DENND5A: variants seen among roughly 807,000 people sequenced by gnomAD.
DENND5A encodes the protein DENN domain-containing protein 5A.
DENND5A carries 64 observed loss-of-function variants against 140.3 expected under a neutral mutation model. The observed-to-expected ratio is 0.46, with a 90% CI of 0.37 to 0.56. The LOEUF (loss-of-function observed/expected upper bound fraction) is 0.56, where lower values mean the gene tolerates loss of function less well. Among genes scored for constraint, DENND5A ranks in the 20% least tolerant of loss-of-function variants. The probability of loss-of-function intolerance (pLI) is 0.00; values close to 1 mark genes in which losing one functional copy is unlikely to be tolerated. For missense variants in DENND5A, 1,292 were observed against 1,593.8 expected (o/e 0.81, Z 3.22); for synonymous variants, 605 against 607.7 (o/e 1.00, Z 0.07).
In DENND5A at chr11:9,143,598, G is replaced by C. The variant is rs144562274; in HGVS notation, c.3305-113C>G. 6.0e-5 allele frequency: 52 copies of C among 864,108 alleles called. No individual in the cohort carries two copies. The African/African-American group carries it at 7.3e-4, about 12-fold the overall frequency. The allele number at this position is 864,108 out of a possible 1,614,324, so 53.5% of individuals were successfully genotyped here. A position where few individuals can be genotyped will look rare whatever the true frequency, so the allele number is the denominator to read the frequency against. On this transcript the variant is annotated intron_variant, in intron 19 of 22. Transcript: ENST00000328194. Reference sequence around the variant, plus strand: ...GGCCCATAGGAGAGGCAGGGCAGCTGGACCCTAGGAAGCAGAGGCGCTTGC... The same window carrying C: ...GGCCCATAGGAGAGGCAGGGCAGCTCGACCCTAGGAAGCAGAGGCGCTTGC...
In DENND5A at chr11:9,206,691, G is replaced by A. The variant is rs1278370434; in HGVS notation, c.273C>T (p.Asp91=). The A allele has an allele frequency of 1.2e-6, 2 of 1,612,020 alleles. No individual in the cohort carries two copies. The highest frequency in any genetic ancestry group is 1.7e-5 in the Admixed American group (1 of 59,998). ...YPENVEWNPF[D]QDAVGMLCMP... Reference sequence around the variant, plus strand: ...TACCAACCATTCCTACTGCATCTTGGTCAAAGGGATTCCATTCTACGTTCT... The same window carrying A: ...TACCAACCATTCCTACTGCATCTTGATCAAAGGGATTCCATTCTACGTTCT... The change falls in exon 3 of 23, where the codon GAC becomes GAT. Residue 91 remains aspartate (D), a synonymous_variant. Coordinates refer to ENST00000328194, the MANE Select transcript of DENND5A (RefSeq NM_015213.4).
At chr11:9,161,017 G>T in intron 11 of DENND5A, 152 bp from the exon 12 acceptor site, 1 of 756,186 alleles carries the variant, frequency 1.3e-6, no homozygotes, top group Non-Finnish European at 2.1e-6. Flanking sequence ...TTATACCCAT[G>T]TAGGTCAGGT....
rs755309996 is a variant in DENND5A at position 9,143,423 on chromosome 11, A to G, written c.3367T>C (p.Phe1123Leu). ...GEAVNGIVKH[F>L]HKPEKERGSL... ...CTCACCTCTTTCTCAGGCTTATGGA[A>G]GTGCTTCACAATGCCATTGACTGCC... The change falls in exon 20 of 23, where the codon TTC becomes CTC. Residue 1123 changes from phenylalanine (F) to leucine (L), a missense_variant. Phe to Leu is a conservative substitution (Grantham distance 22). Coordinates refer to ENST00000328194, the MANE Select transcript of DENND5A (RefSeq NM_015213.4). The G allele has an allele frequency of 6.2e-7, 1 of 1,614,148 alleles. No individual in the cohort carries two copies. The highest frequency in any genetic ancestry group is 8.5e-7 in the Non-Finnish European group (1 of 1,179,944).
intron 5 of DENND5A, among the ~76,000 whole-genome samples, chr11:9,183,604 G>A (rs760771686): frequency 2.6e-5 from 4 of 152,040 alleles, no homozygotes; most frequent in African/African-American, 7.2e-5. Context: ...ACAGAGTGTC[G>A]CTGTGTTGCC....
At chr11:9,152,299 C>A (rs552693494) in intron 13 of DENND5A, 59 bp downstream of exon 13, 4 of 1,265,738 alleles carry the variant, frequency 3.2e-6, no homozygotes, top group Admixed American at 1.7e-5. Flanking sequence ...AGTGATCACG[C>A]CAGTGGGTGA....
At chr11:9,218,170 G>C (rs556851802) in intron 1 of DENND5A, among the ~76,000 whole-genome samples, 1 of 152,072 alleles carries the variant, frequency 6.6e-6, no homozygotes, top group South Asian at 2.1e-4. Flanking sequence ...GAGGCAGGAG[G>C]ACTGCATGAG....
At chr11:9,167,086 GTGC>G (rs1295483701) in intron 10 of DENND5A, among the ~76,000 whole-genome samples, 1 of 152,072 alleles carries the variant, frequency 6.6e-6, no homozygotes, top group Non-Finnish European at 1.5e-5. Context: ...TTTGTATAAT[GTGC>G]TGGTGATTCT....
chr11:9,220,814 A>G (rs1193191214), intron 1 of DENND5A, among the ~76,000 whole-genome samples: 2 of 151,464 alleles, frequency 1.3e-5, no homozygotes, highest in Non-Finnish European at 2.9e-5. Flanking sequence ...AATTGCTTGA[A>G]CCTGGGAGGC....
chr11:9,211,258 G>A (rs1043025472), intron 1 of DENND5A, among the ~76,000 whole-genome samples: 15 of 152,124 alleles, frequency 9.9e-5, no homozygotes, highest in African/African-American at 3.6e-4. Flanking sequence ...AACCACAGAA[G>A]GGAAGACCCA....
rs1848701330 is a variant in DENND5A at position 9,180,806 on chromosome 11, C to T, written c.1416G>A (p.Leu472=). 1 of 1,614,050 alleles carries T rather than the reference C, an allele frequency of 6.2e-7. No individual in the cohort carries two copies. Among genetic ancestry groups the T allele is most frequent in the African/African-American group, 1.3e-5 (1 of 74,930 alleles). The change falls in exon 6 of 23, where the codon CTG becomes CTA. Residue 472 remains leucine, a synonymous_variant. Transcript: ENST00000328194. ...CCCCAGTTCTCTTGACCAAGGCTTG[C>T]AGCCGGGCAATAGTTTCATTCTCCT... ...LLKENETIAR[L]QALVKRTGVS...
At position 9,145,666 on chromosome 11, in the gene DENND5A, A is replaced by G. The variant is rs1168942265; in HGVS notation, c.3003+4T>C. ...ACAGAGCTGTGGCCCCAAATAACACATACCTCGAAGGTCATCTCTAGCACA... is the reference window on the plus strand; with the variant it reads ...ACAGAGCTGTGGCCCCAAATAACACGTACCTCGAAGGTCATCTCTAGCACA... On this transcript the variant is annotated splice_donor_region_variant and intron_variant, in intron 17 of 22. Transcript: ENST00000328194. 1 of 1,614,084 alleles carries G rather than the reference A, an allele frequency of 6.2e-7. No homozygotes were observed. Among genetic ancestry groups the G allele is most frequent in the Non-Finnish European group, 8.5e-7 (1 of 1,179,988 alleles).
At chr11:9,187,737 G>A (rs911824451) in intron 5 of DENND5A, among the ~76,000 whole-genome samples, 4 of 152,160 alleles carry the variant, frequency 2.6e-5, no homozygotes, top group African/African-American at 9.7e-5. Flanking sequence ...CCTCCTTCCT[G>A]AACTCAGACA....
intron 1 of DENND5A, among the ~76,000 whole-genome samples, chr11:9,259,100 A>C (rs1401601794): frequency 3.3e-5 from 5 of 152,128 alleles, no homozygotes; most frequent in Admixed American, 6.6e-5. Context: ...ATCTCTACTA[A>C]AAATACAAAA....
chr11:9,231,893 T>A (rs1341804000), intron 1 of DENND5A, among the ~76,000 whole-genome samples: 1 of 152,036 alleles, frequency 6.6e-6, no homozygotes, highest in African/African-American at 2.4e-5. Context: ...GCACAAAGAC[T>A]AGCATTTGTT....
chr11:9,207,088 G>C, intron 2 of DENND5A: 1 of 454,362 alleles, frequency 2.2e-6, no homozygotes, highest in Non-Finnish European at 3.9e-6. Flanking sequence ...GAATGACAAG[G>C]ATTGTATCTA....
At chr11:9,176,039 A>G (rs116867863) in intron 8 of DENND5A, among the ~76,000 whole-genome samples, 16 of 152,324 alleles carry the variant, frequency 1.1e-4, no homozygotes, top group Non-Finnish European at 2.1e-4. Context: ...TACATTTTCT[A>G]GTCTTCTCTC....
Position 9,203,825 on chromosome 11 carries a change from A to G in DENND5A, c.784T>C (p.Phe262Leu). ...PLPPPGRSLK[F>L]SGVYGPIICQ... ...ATTATTGGCCCATAGACCCCAGAAAACTTCAAGGACCGGCCAGGAGGTGGG... is the reference window on the plus strand; with the variant it reads ...ATTATTGGCCCATAGACCCCAGAAAGCTTCAAGGACCGGCCAGGAGGTGGG... The change falls in exon 4 of 23, where the codon TTT (phenylalanine) becomes CTT (leucine). Residue 262 changes from phenylalanine to leucine, a missense_variant. Phe to Leu is a conservative substitution (Grantham distance 22). Transcript: ENST00000328194. 6.2e-7 allele frequency: 1 copy of G among 1,614,048 alleles called. No homozygotes were observed. The highest frequency in any genetic ancestry group is 8.5e-7 in the Non-Finnish European group (1 of 1,179,992).
chr11:9,181,655 C>G (rs1241970149), intron 5 of DENND5A, among the ~76,000 whole-genome samples: 1 of 152,130 alleles, frequency 6.6e-6, no homozygotes, highest in African/African-American at 2.4e-5. Context: ...GGAGGGATCA[C>G]CTGAGCCCAA....
intron 1 of DENND5A, among the ~76,000 whole-genome samples, chr11:9,223,894 A>G (rs989432408): frequency 3.9e-5 from 6 of 152,176 alleles, no homozygotes; most frequent in Non-Finnish European, 8.8e-5. Flanking sequence ...TGACCATTTA[A>G]AAATAAACCT....
Sources: gnomAD v4.1 joint callset for allele counts (sites outside exome capture counted in the v4.1 genomes callset) on GRCh38, gnomAD v4.1.1 for gene constraint, MANE v1.5 for transcripts, NCBI Gene and HGNC (gene_info 2026-07-23, HGNC 2026-07-21) for gene names.